GULP1: variants seen among roughly 807,000 people sequenced by gnomAD.
GULP1 encodes PTB domain-containing engulfment adapter protein 1.
In GULP1, 19 loss-of-function variants were observed where a neutral mutation model predicts 40.9. The observed-to-expected ratio is 0.46, with a 90% CI of 0.32 to 0.68. The LOEUF is 0.68. GULP1 is among the 30% of genes least tolerant of loss of function. GULP1 has a pLI of 0.03. For synonymous variants in GULP1, 119 were observed against 117.6 expected (o/e 1.01, Z -0.08); for missense variants, 312 against 362.2 (o/e 0.86, Z 1.12).
intron 2 of GULP1, among the ~76,000 whole-genome samples, chr2:188,385,501 G>C (rs917392905): frequency 6.6e-6 from 1 of 152,156 alleles, no homozygotes; most frequent in Admixed American, 6.6e-5. Flanking sequence ...CCATTATCTT[G>C]ATGATTAACA....
chr2:188,578,621 A>T (rs912117111), intron 9 of GULP1, among the ~76,000 whole-genome samples: 3 of 152,112 alleles, frequency 2.0e-5, no homozygotes, highest in Admixed American at 1.3e-4. Flanking sequence ...ATATCTGAAT[A>T]ACCTAACAAC....
intron 2 of GULP1, among the ~76,000 whole-genome samples, chr2:188,405,434 A>G (rs1042003906): frequency 4.6e-5 from 7 of 152,050 alleles, no homozygotes; most frequent in African/African-American, 9.7e-5. Flanking sequence ...GCCCAGCCCT[A>G]TGGACTGAGG....
chr2:188,312,197 T>TAA (rs541779463), intron 1 of GULP1, among the ~76,000 whole-genome samples: 5 of 150,944 alleles, frequency 3.3e-5, no homozygotes, highest in African/African-American at 9.7e-5. Flanking sequence ...TAATTTCTCC[T>TAA]AAAAAAAAAC....
At chr2:188,542,956 G>A (rs907268601) in intron 7 of GULP1, among the ~76,000 whole-genome samples, 3 of 152,036 alleles carry the variant, frequency 2.0e-5, no homozygotes, top group African/African-American at 7.2e-5. Flanking sequence ...ATGTTTCAGA[G>A]TCAGAGTTCA....
chr2:188,552,946 T>C (rs923414002), intron 7 of GULP1, among the ~76,000 whole-genome samples: 1 of 151,408 alleles, frequency 6.6e-6, no homozygotes, highest in Non-Finnish European at 1.5e-5. Context: ...TGTATACTTA[T>C]TGCGCTATTG....
intron 2 of GULP1, among the ~76,000 whole-genome samples, chr2:188,458,789 T>G (rs1207832427): frequency 6.6e-6 from 1 of 152,114 alleles, no homozygotes; most frequent in Non-Finnish European, 1.5e-5. Context: ...TTCTAATTTT[T>G]TTTTGTACCT....
At chr2:188,461,996 A>G (rs111863165) in intron 2 of GULP1, among the ~76,000 whole-genome samples, 4,693 of 151,564 alleles carry the variant, frequency 0.031, 104 homozygotes, top group Non-Finnish European at 0.048. Context: ...TTGTTTTTCT[A>G]GTTCTTTAAG....
chr2:188,491,736 C>T lies in GULP1; in HGVS notation c.90+8244C>T, dbSNP rs2062410364. 5.9e-5 allele frequency: 9 copies of T among 152,102 alleles called. No individual in the cohort carries two copies. In the South Asian group the frequency reaches 1.9e-3, roughly 31 times the overall value. The allele number at this position is 152,102 out of a possible 1,614,324, so 9.4% of individuals were successfully genotyped here. A position where few individuals can be genotyped will look rare whatever the true frequency, so the allele number is the denominator to read the frequency against. ...AAGATTTCTATTCATGACATTCTTT[C>T]ATTTTAAGAGACATTTTAAAGGAAA... On this transcript the variant is annotated intron_variant, in intron 4 of 11. Transcript: ENST00000409830.
chr2:188,303,551 A>G (rs1202208412), intron 1 of GULP1, among the ~76,000 whole-genome samples: 2 of 152,214 alleles, frequency 1.3e-5, no homozygotes, highest in Non-Finnish European at 2.9e-5. Context: ...AGTCTGCAGT[A>G]AAGCTGTGTG....
At chr2:188,467,149 A>C (rs906811704) in intron 2 of GULP1, among the ~76,000 whole-genome samples, 2 of 152,178 alleles carry the variant, frequency 1.3e-5, no homozygotes, top group Admixed American at 6.5e-5. Context: ...TTAAAAGAGA[A>C]GTCTCATTAT....
At position 188,539,549 on chromosome 2, in the gene GULP1, TA is replaced by T. The variant is rs1268941656; in HGVS notation, c.262-1631del. ...GCTAAGTAAGTCAAGCACCTCTTCTTAGACTTGGTTCCCCCTGCTTTTAAAC... is the reference window on the plus strand; with the variant it reads ...GCTAAGTAAGTCAAGCACCTCTTCTTGACTTGGTTCCCCCTGCTTTTAAAC... On this transcript the variant is annotated intron_variant, in intron 6 of 11. Coordinates refer to ENST00000409830, the MANE Select transcript of GULP1 (RefSeq NM_016315.4). Among the ~76,000 whole-genome samples the T allele has an allele frequency of 4.0e-4, 61 of 152,158 alleles. 1 individual carries two copies. Among genetic ancestry groups the T allele is most frequent in the Admixed American group, 1.5e-3 (23 of 15,260 alleles).
chr2:188,562,678 A>G (rs901934432), intron 7 of GULP1, among the ~76,000 whole-genome samples: 1 of 152,146 alleles, frequency 6.6e-6, no homozygotes, highest in African/African-American at 2.4e-5. Context: ...AAAACCCAAT[A>G]TCATCCACCA....
At chr2:188,368,939 G>GTGTGTGTA (rs1272494109) in intron 1 of GULP1, among the ~76,000 whole-genome samples, 1 of 86,088 alleles carries the variant, frequency 1.2e-5, no homozygotes, top group Non-Finnish European at 2.3e-5. Context: ...ATATATGTGT[G>GTGTGTGTA]TATATATATA....
intron 2 of GULP1, among the ~76,000 whole-genome samples, chr2:188,416,179 C>T (rs2054553947): frequency 6.6e-6 from 1 of 151,776 alleles, no homozygotes; most frequent in South Asian, 2.1e-4. Flanking sequence ...TCTCTTTTTC[C>T]TCCCTTGCTT....
intron 2 of GULP1, among the ~76,000 whole-genome samples, chr2:188,389,394 C>G (rs2050213041): frequency 6.6e-6 from 1 of 151,916 alleles, no homozygotes; most frequent in Non-Finnish European, 1.5e-5. Context: ...TTACACCAAA[C>G]AAAACAAAAA....
chr2:188,327,247 G>A (rs1224900401), intron 1 of GULP1, among the ~76,000 whole-genome samples: 1 of 152,170 alleles, frequency 6.6e-6, no homozygotes. Flanking sequence ...AATAAGATAA[G>A]GAGATGAGAT....
chr2:188,541,148 A>G (rs1376309816), intron 6 of GULP1, 33 bp from the exon 7 acceptor site: 4 of 1,587,338 alleles, frequency 2.5e-6, no homozygotes, highest in Non-Finnish European at 3.4e-6. Context: ...AAAGAATCCC[A>G]TCAACTATGT....
chr2:188,437,562 AC>A (rs2057524026), intron 2 of GULP1, among the ~76,000 whole-genome samples: 1 of 152,002 alleles, frequency 6.6e-6, no homozygotes, highest in African/African-American at 2.4e-5. Context: ...CAACCCAGCA[AC>A]CCCATTACTG....
chr2:188,384,372 C>T (rs550769387), intron 2 of GULP1: 1 of 152,298 alleles, frequency 6.6e-6, no homozygotes, highest in African/African-American at 2.4e-5. Context: ...GACCCACTCA[C>T]TATCATGAGA....
Sources: gnomAD v4.1 joint callset for allele counts (sites outside exome capture counted in the v4.1 genomes callset) on GRCh38, gnomAD v4.1.1 for gene constraint, MANE v1.5 for transcripts, NCBI Gene and HGNC (gene_info 2026-07-23, HGNC 2026-07-21) for gene names.